Variants in UTP20 observed in about 807,000 individuals in gnomAD.
UTP20 encodes the protein small subunit processome component 20 homolog.
In UTP20, 164 loss-of-function variants were observed where a neutral mutation model predicts 329.5. That is an observed-to-expected ratio of 0.50 (90% CI 0.44 to 0.57). The LOEUF (loss-of-function observed/expected upper bound fraction) is 0.57. Ranked by LOEUF, UTP20 falls within the 20% of genes least tolerant of loss-of-function variation. The probability of loss-of-function intolerance (pLI) is 0.00; values close to 1 mark genes in which losing one functional copy is unlikely to be tolerated. For missense variants in UTP20, 3,055 were observed against 3,284.2 expected, an observed-to-expected ratio of 0.93 and a Z score of 1.71; for synonymous variants, 1,151 against 1,159.3, an observed-to-expected ratio of 0.99 and a Z score of 0.14.
At chr12:101,300,629 A>T (rs772633263) in intron 14 of UTP20, among the ~76,000 whole-genome samples, 2 of 152,142 alleles carry the variant, frequency 1.3e-5, no homozygotes, top group Admixed American at 6.6e-5. Flanking sequence ...TTAGATATTT[A>T]TATGTCTCCC....
rs757576059 is a variant in UTP20 at position 101,373,773 on chromosome 12, C to T, written c.7131+6C>T. 21 of 1,607,012 alleles carry T rather than the reference C, an allele frequency of 1.3e-5. No homozygotes were observed. The highest frequency in any genetic ancestry group is 8.7e-5 in the Admixed American group (5 of 57,298). On this transcript the variant is annotated splice_donor_region_variant and intron_variant, in intron 54 of 61. Coordinates refer to ENST00000261637, the MANE Select transcript of UTP20 (RefSeq NM_014503.3). The stretch of plus-strand genomic sequence containing the variant: ...CTTGGTTTGGAGCAAAAAAGGTGTG[C>T]GTTGCTTTTAGTCACAGTTCAGTGA...
intron 4 of UTP20, 43 bp downstream of exon 4, chr12:101,285,924 G>A: frequency 6.3e-7 from 1 of 1,593,610 alleles, no homozygotes; most frequent in Non-Finnish European, 8.5e-7. Context: ...ATATTTGCCT[G>A]AATTTTAAGA....
chr12:101,320,291 C>G (rs377027788), intron 23 of UTP20, among the ~76,000 whole-genome samples: 1 of 152,142 alleles, frequency 6.6e-6, no homozygotes, highest in African/African-American at 2.4e-5. Context: ...CACAGTAGCT[C>G]ACGCCTGTAA....
Position 101,333,451 on chromosome 12 carries a change from C to G in UTP20, c.3561+7C>G. 5.6e-6 allele frequency: 9 copies of G among 1,611,544 alleles called. No homozygotes were observed. The highest frequency in any genetic ancestry group is 7.6e-6 in the Non-Finnish European group (9 of 1,179,242). On this transcript the variant is annotated splice_region_variant and intron_variant, in intron 28 of 61. Transcript: ENST00000261637. ...TGGTGCAGTTTGGCCCCAGGTAAAC[C>G]TCAATTTCTACATCTGCCTATGTAC...
Position 101,363,133 on chromosome 12 carries a change from A to T in UTP20, c.5791-443A>T, listed in dbSNP as rs958771115. Among the ~76,000 whole-genome samples, 6 of 148,802 alleles carry T rather than the reference A, an allele frequency of 4.0e-5. 2 individuals are homozygous for T. In the East Asian group the frequency reaches 1.2e-3, roughly 30 times the overall value. ...GGGTGCCAGAGTGGGACTCTGTATC[A>T]AAAAATAAGGTAATTAATTAGACTA... On this transcript the variant is annotated intron_variant, in intron 44 of 61. Coordinates refer to ENST00000261637, the MANE Select transcript of UTP20 (RefSeq NM_014503.3).
chr12:101,342,465 T>G lies in UTP20; in HGVS notation c.4121T>G (p.Leu1374Arg). The G allele has an allele frequency of 1.2e-6, 2 of 1,608,994 alleles. No individual in the cohort carries two copies. Among genetic ancestry groups the G allele is most frequent in the Non-Finnish European group, 1.7e-6 (2 of 1,178,684 alleles). The stretch of plus-strand genomic sequence containing the variant: ...CTCAAGGATACAGAGGTTGATATTC[T>G]GGTGACAGTACAAAACTTGTTAAAG... ...NIAEDTEVDI[L>R]VTVQNLLKHC... The change falls in exon 33 of 62, where the codon CTG (leucine) becomes CGG (arginine). Residue 1374 changes from leucine (L) to arginine (R), a missense_variant. By Grantham distance (102) the Leu-to-Arg change is moderately radical. Coordinates refer to ENST00000261637, the MANE Select transcript of UTP20 (RefSeq NM_014503.3).
At chr12:101,287,127 A>G (rs1207963974) in intron 5 of UTP20, among the ~76,000 whole-genome samples, 7 of 152,132 alleles carry the variant, frequency 4.6e-5, no homozygotes, top group Admixed American at 4.6e-4. Context: ...CATGTTCTAT[A>G]ATTGCCACAG....
rs184641821 is a variant in UTP20 at position 101,309,745 on chromosome 12, A to T, written c.2155-18A>T. 66 of 1,609,424 alleles carry T rather than the reference A, an allele frequency of 4.1e-5. No homozygotes were observed. The highest frequency in any genetic ancestry group is 1.3e-4 in the Admixed American group (8 of 59,998). ...GTATTTCATTACCCAATACTAAACT[A>T]GTCTTTTGTAATTGCAGGTGCCGCT... is the stretch of plus-strand genomic sequence containing the variant. On this transcript the variant is annotated intron_variant, in intron 18 of 61. Transcript: ENST00000261637.
At chr12:101,377,528 C>T (rs1180897871) in intron 56 of UTP20, among the ~76,000 whole-genome samples, 15 of 152,136 alleles carry the variant, frequency 9.9e-5, no homozygotes, top group Admixed American at 9.8e-4. Context: ...GACAGGTTTT[C>T]ACCGTGTTGG....
rs1162426599 is a variant in UTP20 at position 101,338,878 on chromosome 12, A to G, written c.3934A>G (p.Lys1312Glu). Reference sequence around the variant, plus strand: ...ACCTGCAATTCTTCAGTATCTCAGCAAAACCACAATAAGCGCAGAAAAGGT... The same window carrying G: ...ACCTGCAATTCTTCAGTATCTCAGCGAAACCACAATAAGCGCAGAAAAGGT... Reference protein sequence around the residue: ...HVPAILQYLSKTTISAEKVKK... With the variant: ...HVPAILQYLSETTISAEKVKK... The change falls in exon 31 of 62, where the codon AAA (lysine) becomes GAA (glutamate). Residue 1312 changes from lysine (K) to glutamate (E), a missense_variant. Lys to Glu is a moderately conservative substitution (Grantham distance 56, BLOSUM62 1). This residue lies in a region of UTP20 where 2,445 missense variants were observed against 2,575.5 expected (regional missense o/e 0.95). Transcript: ENST00000261637. 2 of 1,612,260 alleles carry G rather than the reference A, an allele frequency of 1.2e-6. No individual in the cohort carries two copies. Among genetic ancestry groups the G allele is most frequent in the Non-Finnish European group, 1.7e-6 (2 of 1,179,572 alleles).
In UTP20 at chr12:101,383,548, A is replaced by T; in HGVS notation, c.7935A>T (p.Thr2645=). 1 of 1,612,692 alleles carries T rather than the reference A, an allele frequency of 6.2e-7. No homozygotes were observed. Among genetic ancestry groups the T allele is most frequent in the South Asian group, 1.1e-5 (1 of 90,792 alleles). Residue 2645 remains threonine (T), a synonymous_variant, in exon 60 of 62, where the codon ACA becomes ACT. Coordinates refer to ENST00000261637, the MANE Select transcript of UTP20 (RefSeq NM_014503.3). Reference sequence around the variant, plus strand: ...AAAATGATCTGTACTTTCAGAGAACATGCATCTTTAAGTTCCTCGGCGCCG... The same window carrying T: ...AAAATGATCTGTACTTTCAGAGAACTTGCATCTTTAAGTTCCTCGGCGCCG... ...AYSPRNPLKR[T]CIFKFLGAVA... is the part of the protein sequence containing the mutation.
chr12:101,373,644 T>A lies in UTP20; in HGVS notation c.7008T>A (p.Asn2336Lys). 2 of 1,613,388 alleles carry A rather than the reference T, an allele frequency of 1.2e-6. No homozygotes were observed. The highest frequency in any genetic ancestry group is 1.7e-6 in the Non-Finnish European group (2 of 1,179,886). The part of the protein sequence containing the change: ...FFIPLCLMTI[N>K]DDSATCKKMA... Reference sequence around the variant, plus strand: ...TCCCTCTTTGTCTAATGACGATCAATGATGACTCTGCCACGTGCAAAAAGA... The same window carrying A: ...TCCCTCTTTGTCTAATGACGATCAAAGATGACTCTGCCACGTGCAAAAAGA... Residue 2336 changes from asparagine (N) to lysine (K), a missense_variant, in exon 54 of 62, where the codon AAT becomes AAA. Coordinates refer to ENST00000261637, the MANE Select transcript of UTP20 (RefSeq NM_014503.3).
At position 101,351,696 on chromosome 12, in the gene UTP20, C is replaced by T. The variant is rs71464267; in HGVS notation, c.4885-359C>T. 4.6e-5 allele frequency among the ~76,000 whole-genome samples: 7 copies of T among 152,058 alleles called. No homozygotes were observed. In the East Asian group the frequency reaches 1.4e-3, roughly 29 times the overall value. On this transcript the variant is annotated intron_variant, in intron 38 of 61. Transcript: ENST00000261637. ...ATTTTTCCGATGATCTCCCTCCCCT[C>T]GACCCCCACCACCGACAATGTACTT...
chr12:101,302,628 CAAAG>C (rs1431245492), intron 15 of UTP20, 75 bp downstream of exon 15: 1 of 942,232 alleles, frequency 1.1e-6, no homozygotes, highest in Non-Finnish European at 1.6e-6. Flanking sequence ...ATCTTGGACA[CAAAG>C]AAAATCCCTT....
At chr12:101,384,555 A>G (rs1166557582) in intron 60 of UTP20, among the ~76,000 whole-genome samples, 1 of 152,220 alleles carries the variant, frequency 6.6e-6, no homozygotes, top group East Asian at 1.9e-4. Flanking sequence ...GAAAGATTAT[A>G]TGGCAAAAAT....
At chr12:101,360,960 A>G (rs758298727) in intron 43 of UTP20, among the ~76,000 whole-genome samples, 9 of 152,192 alleles carry the variant, frequency 5.9e-5, no homozygotes, top group Admixed American at 2.0e-4. Flanking sequence ...ATTTCACAGC[A>G]CTAGAAGCAG....
chr12:101,325,701 A>G (rs1868531455), intron 25 of UTP20, among the ~76,000 whole-genome samples: 1 of 152,186 alleles, frequency 6.6e-6, no homozygotes, highest in Non-Finnish European at 1.5e-5. Flanking sequence ...TACTTTTCTT[A>G]TTTGTAAGAC....
At chr12:101,289,502 A>G (rs1872071822) in intron 6 of UTP20, among the ~76,000 whole-genome samples, 1 of 152,172 alleles carries the variant, frequency 6.6e-6, no homozygotes, top group African/African-American at 2.4e-5. Context: ...ATCTATATAT[A>G]TACTTAACAG....
rs1489497822 is a variant in UTP20 at position 101,346,495 on chromosome 12, A to G, written c.4791A>G (p.Leu1597=). 1.2e-6 allele frequency: 2 copies of G among 1,609,962 alleles called. No individual in the cohort carries two copies. The highest frequency in any genetic ancestry group is 3.4e-5 in the Admixed American group (2 of 59,334). ...ARALKKLAKQ[L]MEGKVVLSSK... is the part of the protein sequence containing the mutation. ...CCTTGAAGAAACTTGCAAAACAACT[A>G]ATGGAAGGCAAAGTTGTTCTGTCTT... Residue 1597 remains leucine, a synonymous_variant, in exon 38 of 62, where the codon CTA becomes CTG. Transcript: ENST00000261637.
Sources: gnomAD v4.1 joint callset for allele counts (sites outside exome capture counted in the v4.1 genomes callset) on GRCh38, gnomAD v4.1.1 for gene constraint, gnomAD v4.1.1 regional missense constraint, MANE v1.5 for transcripts, NCBI Gene and HGNC (gene_info 2026-07-23, HGNC 2026-07-21) for gene names.